The following TET1 variants were observed in gnomAD, a reference collection of about 807,000 sequenced individuals.
TET1 encodes the protein methylcytosine dioxygenase TET1.
In TET1, 13 loss-of-function variants were observed where a neutral mutation model predicts 148.7. The observed-to-expected ratio is 0.09, with a 90% CI of 0.06 to 0.14. The LOEUF (loss-of-function observed/expected upper bound fraction) is 0.14. TET1 is among the 10% of genes least tolerant of loss of function. The probability of loss-of-function intolerance (pLI) is 1.00; values close to 1 mark genes in which losing one functional copy is unlikely to be tolerated. For missense variants in TET1, 2,182 were observed against 2,553.8 expected, an observed-to-expected ratio of 0.85 and a Z score of 3.14; for synonymous variants, 907 against 937.2, an observed-to-expected ratio of 0.97 and a Z score of 0.59.
At chr10:68,634,565 G>A (rs938369726) in intron 3 of TET1, among the ~76,000 whole-genome samples, 42 of 152,244 alleles carry the variant, frequency 2.8e-4, no homozygotes, top group Middle Eastern at 3.4e-3. Context: ...TTAGACACTA[G>A]GACCTTGTTG....
chr10:68,652,643 C>T (rs752810177), intron 6 of TET1, 49 bp downstream of exon 6: 1 of 1,276,498 alleles, frequency 7.8e-7, no homozygotes, highest in Non-Finnish European at 1.1e-6. Context: ...TATTCCAGAG[C>T]TGATATTTAT....
chr10:68,632,850 A>T (rs1564980472), intron 3 of TET1: 2 of 762,052 alleles, frequency 2.6e-6, no homozygotes, highest in African/African-American at 3.5e-5. Flanking sequence ...AAAAAAAAAA[A>T]AAGAAAGAAA....
At chr10:68,629,282 T>C (rs1017910477) in intron 3 of TET1, among the ~76,000 whole-genome samples, 1 of 151,846 alleles carries the variant, frequency 6.6e-6, no homozygotes. Context: ...GGAGAATCGC[T>C]TGAACTTGAG....
chr10:68,604,378 T>G (rs1016434840), intron 3 of TET1, among the ~76,000 whole-genome samples: 1 of 151,832 alleles, frequency 6.6e-6, no homozygotes, highest in African/African-American at 2.4e-5. Context: ...TGTGGGAGGG[T>G]TAAGGAAAGA....
At chr10:68,656,299 G>C (rs1349772558) in intron 6 of TET1, among the ~76,000 whole-genome samples, 1 of 152,200 alleles carries the variant, frequency 6.6e-6, no homozygotes, top group African/African-American at 2.4e-5. Context: ...GACTCTGGCT[G>C]TTGCCCAGGC....
At chr10:68,586,945 C>T (rs1184536845) in intron 2 of TET1, among the ~76,000 whole-genome samples, 2 of 152,122 alleles carry the variant, frequency 1.3e-5, no homozygotes, top group African/African-American at 4.8e-5. Flanking sequence ...TTCCATCTTG[C>T]CATTTTATTC....
Position 68,694,087 on chromosome 10 carries a change from C to T in TET1, c.*2273C>T, listed in dbSNP as rs374564686. The T allele has an allele frequency of 8.6e-6, 2 of 232,236 alleles. No individual in the cohort carries two copies. Among genetic ancestry groups the T allele is most frequent in the Non-Finnish European group, 1.7e-5 (2 of 117,548 alleles). The allele number at this position is 232,236 out of a possible 1,614,324, so 14.4% of individuals were successfully genotyped here. A position where few individuals can be genotyped will look rare whatever the true frequency, so the allele number is the denominator to read the frequency against. Reference sequence around the variant, plus strand: ...TGTATGCAGTAATTCAAATTGATCTCTCTCTCAATAGGTTTCTTAACAATC... The same window carrying T: ...TGTATGCAGTAATTCAAATTGATCTTTCTCTCAATAGGTTTCTTAACAATC... On this transcript the variant is annotated 3_prime_UTR_variant, in exon 12 of 12. Coordinates refer to ENST00000373644, the MANE Select transcript of TET1 (RefSeq NM_030625.3).
intron 3 of TET1, among the ~76,000 whole-genome samples, chr10:68,638,564 G>A (rs1337710772): frequency 1.3e-5 from 2 of 152,112 alleles, no homozygotes; most frequent in East Asian, 3.9e-4. Flanking sequence ...AAAAAGCCTG[G>A]AGGGAATGGT....
intron 3 of TET1, among the ~76,000 whole-genome samples, chr10:68,634,128 T>A (rs1410845969): frequency 2.6e-5 from 4 of 152,086 alleles, no homozygotes; most frequent in Non-Finnish European, 4.4e-5. Flanking sequence ...CAAGCAATCC[T>A]CTTGTCTAGG....
intron 10 of TET1, 68 bp downstream of exon 10, chr10:68,683,041 T>A: frequency 6.6e-7 from 1 of 1,512,698 alleles, no homozygotes; most frequent in Non-Finnish European, 9.0e-7. Flanking sequence ...AGTCCTTACG[T>A]ATACTGTGAT....
intron 1 of TET1, 100 bp downstream of exon 1, chr10:68,560,842 A>C (rs930934042): frequency 6.6e-6 from 1 of 152,490 alleles, no homozygotes; most frequent in African/African-American, 2.4e-5. Flanking sequence ...CGCGGGCTGG[A>C]TGTGGCCGGG....
intron 3 of TET1, among the ~76,000 whole-genome samples, chr10:68,603,131 G>A (rs946827025): frequency 2.6e-5 from 4 of 152,068 alleles, no homozygotes; most frequent in Non-Finnish European, 5.9e-5. Flanking sequence ...ACCAGTGATG[G>A]GAATCTCACA....
At chr10:68,616,920 G>A (rs2054298812) in intron 3 of TET1, among the ~76,000 whole-genome samples, 1 of 147,060 alleles carries the variant, frequency 6.8e-6, no homozygotes, top group Non-Finnish European at 1.5e-5. Flanking sequence ...TGTTAGCCAG[G>A]ATGGTCTCAA....
chr10:68,637,242 G>A (rs769682719), intron 3 of TET1, among the ~76,000 whole-genome samples: 4 of 151,824 alleles, frequency 2.6e-5, no homozygotes, highest in Non-Finnish European at 4.4e-5. Flanking sequence ...CTGGTGATTC[G>A]GCCTCCCAAA....
intron 1 of TET1, among the ~76,000 whole-genome samples, chr10:68,571,011 G>A (rs2053663787): frequency 6.6e-6 from 1 of 151,134 alleles, no homozygotes; most frequent in African/African-American, 2.4e-5. Context: ...ATTTTTCTGA[G>A]ATGGAGTCTC....
intron 8 of TET1, among the ~76,000 whole-genome samples, chr10:68,676,263 TATA>T (rs1241200238): frequency 3.5e-3 from 54 of 15,274 alleles, no homozygotes; most frequent in African/African-American, 0.011. Context: ...TATATATATA[TATA>T]TATTTTTTTT....
chr10:68,602,196 T>C (rs906301990), intron 3 of TET1, among the ~76,000 whole-genome samples: 1 of 152,240 alleles, frequency 6.6e-6, no homozygotes, highest in African/African-American at 2.4e-5. Flanking sequence ...TGAATGAAAT[T>C]GCTTGACACA....
chr10:68,610,821 A>G (rs1345728425), intron 3 of TET1, among the ~76,000 whole-genome samples: 1 of 152,002 alleles, frequency 6.6e-6, no homozygotes, highest in African/African-American at 2.4e-5. Context: ...AATCCCGCCT[A>G]ATTTTTATAT....
At chr10:68,591,984 T>G (rs1218508483) in intron 2 of TET1, among the ~76,000 whole-genome samples, 1 of 152,084 alleles carries the variant, frequency 6.6e-6, no homozygotes, top group African/African-American at 2.4e-5. Flanking sequence ...TTTTCTCTGA[T>G]TAGGAGACTT....
Sources: gnomAD v4.1 joint callset for allele counts (sites outside exome capture counted in the v4.1 genomes callset) on GRCh38, gnomAD v4.1.1 for gene constraint, MANE v1.5 for transcripts, NCBI Gene and HGNC (gene_info 2026-07-23, HGNC 2026-07-21) for gene names.